Variants in CAPZB observed in about 807,000 individuals in gnomAD.
CAPZB encodes the protein capping actin protein of muscle Z-line subunit beta.
In CAPZB, 2 loss-of-function variants were observed where a neutral mutation model predicts 38.1. The observed-to-expected ratio is 0.05, with a 90% CI of 0.02 to 0.17. The LOEUF is 0.17. Among genes scored for constraint, CAPZB ranks in the 10% least tolerant of loss-of-function variants. The pLI, the probability that CAPZB is intolerant of heterozygous loss-of-function variation, is 1.00. For synonymous variants in CAPZB, 107 were observed against 127.4 expected (o/e 0.84, Z 1.08); for missense variants, 161 against 334.2 (o/e 0.48, Z 4.04).
rs375846695 is a variant in CAPZB at position 19,448,809 on chromosome 1, C to G, written c.4-29059G>C. On this transcript the variant is annotated intron_variant, in intron 1 of 8. Coordinates refer to ENST00000264202, the MANE Select transcript of CAPZB (RefSeq NM_004930.5). ...ACGGCCACCTGTTGCTCCTCCTCCC[C>G]CCTCAGATCTAAAGTGCGTGTCACC... is the stretch of plus-strand genomic sequence containing the variant. 10,265 of 1,612,440 alleles carry G rather than the reference C, an allele frequency of 6.4e-3. 52 individuals carry two copies. The highest frequency in any genetic ancestry group is 7.4e-3 in the Non-Finnish European group (8,715 of 1,179,586).
intron 1 of CAPZB, among the ~76,000 whole-genome samples, chr1:19,476,486 C>A (rs1049418332): frequency 2.0e-5 from 3 of 152,196 alleles, no homozygotes; most frequent in Non-Finnish European, 4.4e-5. Flanking sequence ...TATATGGTGA[C>A]CAGGGCTGGG....
chr1:19,366,281 A>AAAAT lies in CAPZB; in HGVS notation c.330-8722_330-8719dup, dbSNP rs1239188512. Among the ~76,000 whole-genome samples the AAAAT allele has an allele frequency of 2.1e-3, 134 of 64,998 alleles. 3 individuals carry two copies. The highest frequency in any genetic ancestry group is 3.3e-3 in the Non-Finnish European group (117 of 35,502). 42.6% of individuals were successfully genotyped at this position (64,998 alleles called of 152,430 possible). On this transcript the variant is annotated intron_variant, in intron 4 of 8. Transcript: ENST00000264202. Reference sequence around the variant, plus strand: ...GGGCAACATAGTGAGACCGTGTCTTAAAATATATATATATATATATATATA... The same window carrying AAAAT: ...GGGCAACATAGTGAGACCGTGTCTTAAAATAAATATATATATATATATATATATA...
chr1:19,366,215 G>C (rs141429892), intron 4 of CAPZB, among the ~76,000 whole-genome samples: 2,500 of 150,560 alleles, frequency 0.017, 73 homozygotes, highest in African/African-American at 0.058. Context: ...GGGAGGCCAA[G>C]GTGGGGGGAT....
At chr1:19,406,202 C>A (rs781411366) in intron 2 of CAPZB, among the ~76,000 whole-genome samples, 1 of 152,176 alleles carries the variant, frequency 6.6e-6, no homozygotes, top group African/African-American at 2.4e-5. Flanking sequence ...AGGAGGAGGG[C>A]GGGACTATTC....
At chr1:19,450,317 A>C (rs2094511943) in intron 1 of CAPZB, among the ~76,000 whole-genome samples, 1 of 152,154 alleles carries the variant, frequency 6.6e-6, no homozygotes, top group South Asian at 2.1e-4. Context: ...AAATACTTGC[A>C]TTATACTTAC....
chr1:19,359,467 C>T (rs568442012), intron 4 of CAPZB, among the ~76,000 whole-genome samples: 2 of 152,270 alleles, frequency 1.3e-5, no homozygotes, highest in African/African-American at 4.8e-5. Flanking sequence ...GCCCAGGGCT[C>T]CCTCAGGCAG....
chr1:19,378,732 G>A, intron 3 of CAPZB, 79 bp from the exon 4 acceptor site: 1 of 784,600 alleles, frequency 1.3e-6, no homozygotes, highest in Non-Finnish European at 2.2e-6. Context: ...CCTGAGCCCT[G>A]GCTATCTGAA....
intron 1 of CAPZB, among the ~76,000 whole-genome samples, chr1:19,485,097 C>T (rs1402787443): frequency 6.6e-6 from 1 of 152,142 alleles, no homozygotes; most frequent in Non-Finnish European, 1.5e-5. Context: ...GGGCCCACGC[C>T]AGGGTCACCG....
At chr1:19,399,490 T>C (rs1041400287) in intron 2 of CAPZB, among the ~76,000 whole-genome samples, 1 of 152,198 alleles carries the variant, frequency 6.6e-6, no homozygotes, top group Admixed American at 6.5e-5. Flanking sequence ...GAGCTTTTCC[T>C]ACATCAAAAT....
At chr1:19,352,776 C>T (rs780508559) in intron 6 of CAPZB, among the ~76,000 whole-genome samples, 1 of 152,258 alleles carries the variant, frequency 6.6e-6, no homozygotes, top group Non-Finnish European at 1.5e-5. Flanking sequence ...CCCTGAGAAA[C>T]ATCTTTTGGT....
Position 19,345,834 on chromosome 1 carries a change from G to A in CAPZB, c.589-582C>T, listed in dbSNP as rs771468978. On this transcript the variant is annotated intron_variant, in intron 6 of 8. Transcript: ENST00000264202. ...TGCAGGTGGCAATGGCAGAGCCTGG[G>A]TCAAACCCTTCCTCGCACCAGGGCC... Among the ~76,000 whole-genome samples the A allele has an allele frequency of 5.2e-4, 79 of 152,264 alleles. 1 individual carries two copies. The highest frequency in any genetic ancestry group is 1.6e-4 in the Non-Finnish European group (11 of 68,050).
At chr1:19,358,721 A>G (rs1350858339) in intron 4 of CAPZB, among the ~76,000 whole-genome samples, 3 of 152,226 alleles carry the variant, frequency 2.0e-5, no homozygotes, top group African/African-American at 7.2e-5. Flanking sequence ...TTAAGCCCCA[A>G]AGAGAGAAAT....
At chr1:19,426,992 G>A (rs2094425281) in intron 1 of CAPZB, among the ~76,000 whole-genome samples, 1 of 152,118 alleles carries the variant, frequency 6.6e-6, no homozygotes, top group South Asian at 2.1e-4. Context: ...GAGGAGGAGA[G>A]CCAAAGACTT....
At chr1:19,404,152 G>A (rs544373510) in intron 2 of CAPZB, among the ~76,000 whole-genome samples, 6 of 146,864 alleles carry the variant, frequency 4.1e-5, no homozygotes, top group South Asian at 2.2e-4. Context: ...AGAATCGCTT[G>A]AATTGGGCAG....
intron 8 of CAPZB, among the ~76,000 whole-genome samples, chr1:19,343,170 AGT>A (rs1206409636): frequency 6.6e-6 from 1 of 152,220 alleles, no homozygotes; most frequent in African/African-American, 2.4e-5. Context: ...TGTATCGGGC[AGT>A]GGCTGCCAGT....
chr1:19,457,836 G>T (rs1001962487), intron 1 of CAPZB, among the ~76,000 whole-genome samples: 4 of 152,078 alleles, frequency 2.6e-5, no homozygotes, highest in Non-Finnish European at 4.4e-5. Flanking sequence ...ACCAGTCACT[G>T]TGACATCGCT....
chr1:19,367,657 T>C lies in CAPZB; in HGVS notation c.330-10094A>G, dbSNP rs559408065. Among the ~76,000 whole-genome samples the C allele has an allele frequency of 2.0e-5, 3 of 152,274 alleles. No homozygotes were observed. The East Asian group carries it at 5.8e-4, about 29-fold the overall frequency. On this transcript the variant is annotated intron_variant, in intron 4 of 8. Coordinates refer to ENST00000264202, the MANE Select transcript of CAPZB (RefSeq NM_004930.5). ...ACACGGGACAGGTATTCAGCGGAAATTCCTTCCAGTACACACAGGTGCAAC... is the reference window on the plus strand; with the variant it reads ...ACACGGGACAGGTATTCAGCGGAAACTCCTTCCAGTACACACAGGTGCAAC...
intron 1 of CAPZB, among the ~76,000 whole-genome samples, chr1:19,476,086 G>A (rs1284330764): frequency 2.0e-5 from 3 of 152,158 alleles, no homozygotes; most frequent in Admixed American, 1.3e-4. Flanking sequence ...CATTTTAGAA[G>A]GTCAAGGCGG....
chr1:19,376,905 T>C (rs1014524990), intron 4 of CAPZB, among the ~76,000 whole-genome samples: 10 of 152,220 alleles, frequency 6.6e-5, no homozygotes, highest in Admixed American at 5.2e-4. Context: ...TCTGTGAACC[T>C]GGGTAAGTTA....
Sources: allele counts gnomAD v4.1 joint callset (sites outside exome capture counted in the v4.1 genomes callset), GRCh38; gene constraint gnomAD v4.1.1; transcripts MANE v1.5; gene names NCBI Gene and HGNC (gene_info 2026-07-23, HGNC 2026-07-21).